Variants in ATN1 observed in about 807,000 individuals in gnomAD.
The protein encoded by ATN1 is atrophin 1.
In ATN1, 19 loss-of-function variants were observed where a neutral mutation model predicts 85.8. The observed-to-expected ratio is 0.22, with a 90% confidence interval of 0.15 to 0.32. ATN1 has a LOEUF of 0.32. Ranked by LOEUF, ATN1 falls within the 10% of genes least tolerant of loss-of-function variation. The probability of loss-of-function intolerance (pLI) is 1.00; values close to 1 mark genes in which losing one functional copy is unlikely to be tolerated. For missense variants in ATN1, 1,453 were observed against 1,564.5 expected (o/e 0.93, Z 1.20); for synonymous variants, 674 against 657.0 (o/e 1.03, Z -0.39).
Position 6,937,989 on chromosome 12 carries a change from A to G in ATN1, c.2439A>G (p.Glu813=), listed in dbSNP as rs781942105. 1.9e-6 allele frequency: 3 copies of G among 1,549,682 alleles called. 1 individual carries two copies. The South Asian group carries it at 3.6e-5, about 18-fold the overall frequency. Residue 813 remains glutamate (E), a synonymous_variant, in exon 6 of 10, where the codon GAA becomes GAG. Transcript: ENST00000396684. This position sits in a 1 kb window ranked among gnomAD's most constrained non-coding sequence, Gnocchi z 6.0. ...GCGAGGCCGAGCAGCGCGCGCGCGA[A>G]GAAAAGGAGCGCGAGCGCGAGCGGG... The part of the protein sequence containing the change: ...VRREAEQRAR[E]EKERERERER...
At position 6,936,596 on chromosome 12, in the gene ATN1, A is replaced by C. The variant is rs1591663364; in HGVS notation, c.1329A>C (p.Pro443=). The C allele has an allele frequency of 1.2e-6, 2 of 1,600,386 alleles. No homozygotes were observed. Among genetic ancestry groups the C allele is most frequent in the East Asian group, 2.3e-5 (1 of 44,422 alleles). The change falls in exon 5 of 10, where the codon CCA becomes CCC. Residue 443 remains proline, a synonymous_variant. Transcript: ENST00000396684. ...AGGCTGTGTGGAGCCAGGGTCCCCC[A>C]CCACCTCCTCCCTATGGCCGCCTCT... is the stretch of plus-strand genomic sequence containing the variant. ...PSQAVWSQGP[P]PPPPYGRLLA...
At chr12:6,939,270 C>T (rs1213293014) in intron 7 of ATN1, 93 bp downstream of exon 7, 3 of 1,449,694 alleles carry the variant, frequency 2.1e-6, no homozygotes, top group Admixed American at 4.9e-5. Context: ...GACTTTCCTC[C>T]CCTGGCCTGG....
In ATN1 at chr12:6,935,908, C is replaced by A. The variant is rs1555143503; in HGVS notation, c.641C>A (p.Pro214His). The stretch of plus-strand genomic sequence containing the variant: ...TTCCAGGCTCCTCCTGGGGCCCCTC[C>A]CCCTCACCCACAGCTCTATCCTGGG... ...RMFQAPPGAP[P>H]PHPQLYPGGT... The change falls in exon 5 of 10, where the codon CCC (proline) becomes CAC (histidine). Residue 214 changes from proline to histidine, a missense_variant. Physicochemically the swap from Pro to His is moderately conservative, Grantham distance 77. Around this residue, in one of 6 missense-constraint regions of ATN1, gnomAD observed 990 missense variants for 914.8 expected, o/e 1.08. Coordinates refer to ENST00000396684, the MANE Select transcript of ATN1 (RefSeq NM_001940.4). The surrounding 1 kb of genome is among the most constrained non-coding windows in gnomAD (Gnocchi z 5.3). 4 of 1,610,396 alleles carry A rather than the reference C, an allele frequency of 2.5e-6. No individual in the cohort carries two copies. The highest frequency in any genetic ancestry group is 1.1e-5 in the South Asian group (1 of 90,516).
chr12:6,936,495 C>A lies in ATN1; in HGVS notation c.1228C>A (p.His410Asn). The change falls in exon 5 of 10, where the codon CAC (histidine) becomes AAC (asparagine). Residue 410 changes from histidine to asparagine, a missense_variant. By Grantham distance (68) the His-to-Asn change is moderately conservative. Coordinates refer to ENST00000396684, the MANE Select transcript of ATN1 (RefSeq NM_001940.4). ...PASQALPSYP[H>N]SFPPPTSLSV... ...TTCCCAGGCATTGCCCAGCTACCCC[C>A]ACTCTTTCCCTCCCCCAACAAGCCT... The A allele has an allele frequency of 1.2e-6, 2 of 1,601,210 alleles. No homozygotes were observed. The highest frequency in any genetic ancestry group is 1.7e-6 in the Non-Finnish European group (2 of 1,176,352).
rs782674534 is a variant in ATN1 at position 6,936,913 on chromosome 12, T to C, written c.1646T>C (p.Leu549Pro). 6.2e-7 allele frequency: 1 copy of C among 1,613,966 alleles called. No individual in the cohort carries two copies. The highest frequency in any genetic ancestry group is 1.1e-5 in the South Asian group (1 of 91,072). The change falls in exon 5 of 10, where the codon CTG (leucine) becomes CCG (proline). Residue 549 changes from leucine (L) to proline (P), a missense_variant. Physicochemically the swap from Leu to Pro is moderately conservative, Grantham distance 98. This residue lies in a region of ATN1 where 990 missense variants were observed against 914.8 expected (regional missense o/e 1.08). Coordinates refer to ENST00000396684, the MANE Select transcript of ATN1 (RefSeq NM_001940.4). ...CCCTACCCACCAGGGCCAGCACACC[T>C]GCCCCCACCTCACAGCCAGGTGTCC... ...LRPYPPGPAHLPPPHSQVSYS... is the reference protein window; with the variant it reads ...LRPYPPGPAHPPPPHSQVSYS...
Position 6,937,119 on chromosome 12 carries a change from A to T in ATN1, c.1852A>T (p.Ile618Phe). 1.2e-6 allele frequency: 2 copies of T among 1,611,518 alleles called. No homozygotes were observed. Among genetic ancestry groups the T allele is most frequent in the Non-Finnish European group, 1.7e-6 (2 of 1,179,940 alleles). The stretch of plus-strand genomic sequence containing the variant: ...CTCTTCGGCTACCCTTTCCACGGTC[A>T]TTGCCACCGTGGCTTCCTCGCCAGC... ...TTSSATLSTV[I>F]ATVASSPAGY... Residue 618 changes from isoleucine (I) to phenylalanine (F), a missense_variant, in exon 5 of 10, where the codon ATT (isoleucine) becomes TTT (phenylalanine). By Grantham distance (21) the Ile-to-Phe change is conservative (BLOSUM62 0). Transcript: ENST00000396684. The surrounding 1 kb of genome is among the most constrained non-coding windows in gnomAD (Gnocchi z 6.0).
chr12:6,938,669 T>A lies in ATN1; in HGVS notation c.2706T>A (p.His902Gln). ...PHVMSPGNRN[H>Q]PFYVPLGAVD... ...TCATGTCTCCTGGCAATCGCAACCA[T>A]CCATTCTACGTGCCCCTGGGGGCAG... is the stretch of plus-strand genomic sequence containing the variant. The change falls in exon 7 of 10, where the codon CAT (histidine) becomes CAA (glutamine). Residue 902 changes from histidine (H) to glutamine (Q), a missense_variant. His to Gln is a conservative substitution (Grantham distance 24, BLOSUM62 0). Around this residue, in one of 6 missense-constraint regions of ATN1, gnomAD observed 208 missense variants for 263.4 expected, o/e 0.79. Coordinates refer to ENST00000396684, the MANE Select transcript of ATN1 (RefSeq NM_001940.4). The A allele has an allele frequency of 6.2e-7, 1 of 1,614,098 alleles. No homozygotes were observed. Among genetic ancestry groups the A allele is most frequent in the Non-Finnish European group, 8.5e-7 (1 of 1,180,012 alleles).
chr12:6,936,728 ACAGCAGCAGCAGCAGCAGCAGCAG>A lies in ATN1; in HGVS notation c.1485_1508del (p.Gln495_Gln502del), dbSNP rs60216939. ...ATCACCATCACCACCAGCAACAGCA[ACAGCAGCAGCAGCAGCAGCAGCAG>A]CAGCAGCAGCAGCAGCAGCAGCATC... On this transcript the variant is annotated inframe_deletion, in exon 5 of 10. Transcript: ENST00000396684. 1.5e-3 allele frequency: 2,406 copies of A among 1,581,842 alleles called. 14 individuals are homozygous for A. Among genetic ancestry groups the A allele is most frequent in the East Asian group, 0.012 (513 of 43,492 alleles).
chr12:6,941,633 C>T lies in ATN1; in HGVS notation c.3539+79C>T. 6.3e-7 allele frequency: 1 copy of T among 1,598,702 alleles called. No homozygotes were observed. Among genetic ancestry groups the T allele is most frequent in the Non-Finnish European group, 8.6e-7 (1 of 1,167,014 alleles). On this transcript the variant is annotated intron_variant, in intron 9 of 9. Transcript: ENST00000396684. This position sits in a 1 kb window ranked among gnomAD's most constrained non-coding sequence, Gnocchi z 5.9. ...GCTGTGGGCATGGTACGGCTGGGCACCGTGCTCCTGGGGGAGGGAACCCCT... is the reference window on the plus strand; with the variant it reads ...GCTGTGGGCATGGTACGGCTGGGCATCGTGCTCCTGGGGGAGGGAACCCCT...
At chr12:6,928,834 G>A (rs1945429760) in intron 1 of ATN1, among the ~76,000 whole-genome samples, 1 of 152,188 alleles carries the variant, frequency 6.6e-6, no homozygotes, top group Non-Finnish European at 1.5e-5. Context: ...CAAAGGACCA[G>A]AACACGGGTT....
chr12:6,925,117 C>CGTGTGTGTGTGTGTGTGT (rs376981297), upstream of ATN1, among the ~76,000 whole-genome samples: 897 of 143,750 alleles, frequency 6.2e-3, 18 homozygotes, highest in African/African-American at 0.022. Flanking sequence ...TGTGCGTGTG[C>CGTGTGTGTGTGTGTGTGT]GTGTGTGTGT....
rs1945509746 is a variant in ATN1, at chr12:6,934,743, A to G, written c.279+165A>G. 6.6e-6 allele frequency among the ~76,000 whole-genome samples: 1 copy of G among 152,258 alleles called. No individual in the cohort carries two copies. Among genetic ancestry groups the G allele is most frequent in the South Asian group, 2.1e-4 (1 of 4,834 alleles). ...TCTATAATATGCCAGAGAGATTCTT[A>G]GAGCTTTGACAGACCACCAGATGAC... On this transcript the variant is annotated intron_variant, in intron 4 of 9. Transcript: ENST00000396684. This position sits in a 1 kb window ranked among gnomAD's most constrained non-coding sequence, Gnocchi z 4.5.
chr12:6,932,130 T>C (rs782084388), intron 1 of ATN1, among the ~76,000 whole-genome samples: 12 of 152,076 alleles, frequency 7.9e-5, no homozygotes, highest in Non-Finnish European at 1.8e-4. Context: ...AATTTTGTGA[T>C]TCTAAGTAAA....
At chr12:6,930,236 T>C (rs2138202641) in intron 1 of ATN1, among the ~76,000 whole-genome samples, 1 of 152,300 alleles carries the variant, frequency 6.6e-6, no homozygotes, top group Non-Finnish European at 1.5e-5. Flanking sequence ...AGTGCATCGT[T>C]ATCTGCTGGT....
upstream of ATN1, among the ~76,000 whole-genome samples, chr12:6,925,139 TGTGAGA>T (rs1356069335): frequency 6.1e-5 from 9 of 147,484 alleles, no homozygotes; most frequent in African/African-American, 2.4e-4. Context: ...TGTGTGTGTG[TGTGAGA>T]GAGAGAGAGA....
In ATN1 at chr12:6,928,294, G is replaced by T. The variant is rs1319860561; in HGVS notation, c.-253G>T. 6.7e-6 allele frequency: 1 copy of T among 149,308 alleles called. No homozygotes were observed. Among genetic ancestry groups the T allele is most frequent in the Non-Finnish European group, 1.5e-5 (1 of 66,764 alleles). The allele number at this position is 149,308 out of a possible 1,614,324, so 9.2% of individuals were successfully genotyped here. ...GCGACTGAGGCCGAGAAGAGGAGAGGGGGGCGGGGGAGCTGCCGCCGCCGC... is the reference window on the plus strand; with the variant it reads ...GCGACTGAGGCCGAGAAGAGGAGAGTGGGGCGGGGGAGCTGCCGCCGCCGC... On this transcript the variant is annotated 5_prime_UTR_variant, in exon 1 of 10. Transcript: ENST00000396684.
chr12:6,942,065 C>T lies in ATN1; in HGVS notation c.*285C>T, dbSNP rs1945644090. The stretch of plus-strand genomic sequence containing the variant: ...CCCCTGCTTTTCTCCTCCCCCATGC[C>T]CAACCCCTGTGGCCGCCGCCCCTCC... On this transcript the variant is annotated 3_prime_UTR_variant, in exon 10 of 10. Transcript: ENST00000396684. 3.8e-6 allele frequency: 2 copies of T among 520,910 alleles called. No homozygotes were observed. The highest frequency in any genetic ancestry group is 7.0e-6 in the Non-Finnish European group (2 of 287,636). The allele number at this position is 520,910 out of a possible 1,614,324, so 32.3% of individuals were successfully genotyped here.
intron 1 of ATN1, among the ~76,000 whole-genome samples, chr12:6,929,344 A>G (rs1945434601): frequency 6.6e-6 from 1 of 152,148 alleles, no homozygotes; most frequent in South Asian, 2.1e-4. Context: ...CTTTGAGCTC[A>G]AAGATCTCCC....
chr12:6,939,226 TATC>T, intron 7 of ATN1, 49 bp downstream of exon 7: 1 of 1,533,864 alleles, frequency 6.5e-7, no homozygotes, highest in Non-Finnish European at 8.7e-7. Context: ...ACCTTCCCCC[TATC>T]ATGACTGGGC....
Sources: allele counts gnomAD v4.1 joint callset (sites outside exome capture counted in the v4.1 genomes callset), GRCh38; gene constraint gnomAD v4.1.1; regional missense constraint gnomAD v4.1.1; non-coding constraint Gnocchi (gnomAD v3.1); transcripts MANE v1.5; gene names NCBI Gene and HGNC (gene_info 2026-07-23, HGNC 2026-07-21).